ANK3: variants seen among roughly 807,000 people sequenced by gnomAD.
ANK3 encodes ankyrin-3.
In ANK3, 57 loss-of-function variants were observed where a neutral mutation model predicts 370.9. The ratio of observed to expected loss-of-function variants is 0.15; its 90% CI spans 0.12 to 0.19. The LOEUF (loss-of-function observed/expected upper bound fraction) is 0.19, where lower values mean the gene tolerates loss of function less well. Ranked by LOEUF, ANK3 falls within the 10% of genes least tolerant of loss-of-function variation. The pLI is 1.00. For synonymous variants in ANK3, 1,929 were observed against 1,946.3 expected (o/e 0.99, Z 0.23); for missense variants, 4,439 against 5,302.1 (o/e 0.84, Z 5.06).
chr10:60,682,479 T>C (rs951613458), intron 1 of ANK3, among the ~76,000 whole-genome samples: 3 of 152,066 alleles, frequency 2.0e-5, no homozygotes, highest in African/African-American at 4.8e-5. Context: ...CCCATTGCCC[T>C]TGTTACAGTC....
At chr10:60,543,704 A>G (rs1211828688) in intron 2 of ANK3, among the ~76,000 whole-genome samples, 1 of 151,956 alleles carries the variant, frequency 6.6e-6, no homozygotes, top group Non-Finnish European at 1.5e-5. Context: ...AATATTTTTA[A>G]TCTCATAAAA....
At chr10:60,338,025 A>G (rs544266040) in intron 1 of ANK3, among the ~76,000 whole-genome samples, 2 of 152,166 alleles carry the variant, frequency 1.3e-5, no homozygotes, top group Non-Finnish European at 2.9e-5. Flanking sequence ...GTGAACTATG[A>G]GGAAGAAGCT....
intron 23 of ANK3, chr10:60,140,065 T>C: frequency 2.1e-6 from 1 of 475,634 alleles, no homozygotes; most frequent in Non-Finnish European, 3.7e-6. Flanking sequence ...AAGTGATTCA[T>C]TCCCCCAGAT....
In ANK3 at chr10:60,172,995, C is replaced by A. The variant is rs756675211; in HGVS notation, c.2287G>T (p.Gly763Trp). 2.5e-6 allele frequency: 4 copies of A among 1,612,222 alleles called. No homozygotes were observed. ...SAKVNAKTKN[G>W]YTPLHQAAQQ... ...GCTGCTTGATGTAATGGCGTATACC[C>A]ATTCTGTAGAAGGAAGATGGAAGAG... The change falls in exon 20 of 44, where the codon GGG becomes TGG. Residue 763 changes from glycine to tryptophan, a missense_variant. Around this residue, in one of 13 missense-constraint regions of ANK3, gnomAD observed 702 missense variants for 941.5 expected, o/e 0.75. Transcript: ENST00000280772.
chr10:60,580,719 A>G (rs1339567929), intron 2 of ANK3, among the ~76,000 whole-genome samples: 1 of 152,178 alleles, frequency 6.6e-6, no homozygotes, highest in Admixed American at 6.6e-5. Flanking sequence ...TTTTATACTG[A>G]CTTTGACTTA....
intron 38 of ANK3, 52 bp from the exon 39 acceptor site, chr10:60,064,340 C>T (rs377276452): frequency 2.1e-4 from 314 of 1,512,650 alleles, no homozygotes; most frequent in Non-Finnish European, 2.5e-4. Context: ...TTTTATCACA[C>T]GTTTCATAAA....
chr10:60,366,409 C>T (rs2059394783), intron 1 of ANK3, among the ~76,000 whole-genome samples: 1 of 152,122 alleles, frequency 6.6e-6, no homozygotes, highest in African/African-American at 2.4e-5. Flanking sequence ...CTGTTTTTAC[C>T]TTAGTGATAA....
intron 2 of ANK3, among the ~76,000 whole-genome samples, chr10:60,416,846 G>C (rs1226092008): frequency 1.3e-5 from 2 of 152,030 alleles, no homozygotes; most frequent in Non-Finnish European, 2.9e-5. Flanking sequence ...GGTTCCAGGG[G>C]GTCTCATTTG....
chr10:60,551,518 T>C (rs2077087872), intron 2 of ANK3, among the ~76,000 whole-genome samples: 2 of 152,194 alleles, frequency 1.3e-5, no homozygotes, highest in Non-Finnish European at 2.9e-5. Flanking sequence ...AAGTTTCTTA[T>C]TTTAGTGATG....
At chr10:60,338,329 C>A (rs923731664) in intron 1 of ANK3, among the ~76,000 whole-genome samples, 4 of 152,136 alleles carry the variant, frequency 2.6e-5, no homozygotes, top group Non-Finnish European at 5.9e-5. Flanking sequence ...ACCTGGAGGA[C>A]TTGTTTAAAA....
chr10:60,621,764 G>A (rs1300549108), intron 1 of ANK3, among the ~76,000 whole-genome samples: 1 of 152,004 alleles, frequency 6.6e-6, no homozygotes, highest in Non-Finnish European at 1.5e-5. Context: ...ATGAGGCTCT[G>A]TAAAGAACAA....
At chr10:60,502,965 G>A (rs1033042366) in intron 2 of ANK3, among the ~76,000 whole-genome samples, 31 of 151,272 alleles carry the variant, frequency 2.0e-4, no homozygotes, top group Non-Finnish European at 1.5e-4. Flanking sequence ...AAGGAAGGAA[G>A]GGCGGGCAAG....
intron 2 of ANK3, among the ~76,000 whole-genome samples, chr10:60,417,099 C>T (rs570979497): frequency 6.6e-6 from 1 of 152,280 alleles, no homozygotes. Flanking sequence ...GGATAACACT[C>T]AGCAAACAGC....
intron 2 of ANK3, among the ~76,000 whole-genome samples, chr10:60,407,007 C>G (rs1239305364): frequency 6.6e-6 from 1 of 152,138 alleles, no homozygotes. Context: ...AATAGTTGCA[C>G]TATAAATGGA....
chr10:60,572,554 A>G, intron 2 of ANK3: 1 of 1,533,292 alleles, frequency 6.5e-7, no homozygotes, highest in Non-Finnish European at 8.7e-7. Context: ...GTGAGTTTAT[A>G]AAAGACAGAT....
intron 13 of ANK3, among the ~76,000 whole-genome samples, chr10:60,199,486 T>G (rs2096640105): frequency 6.6e-6 from 1 of 152,180 alleles, no homozygotes; most frequent in Non-Finnish European, 1.5e-5. Context: ...CTGCTACTAC[T>G]GCCACCCCTT....
At chr10:60,633,720 A>G (rs2078515121) in intron 1 of ANK3, among the ~76,000 whole-genome samples, 1 of 152,196 alleles carries the variant, frequency 6.6e-6, no homozygotes, top group Non-Finnish European at 1.5e-5. Context: ...CTGGATAACT[A>G]TAGGTGATAT....
At chr10:60,416,792 G>T (rs577369690) in intron 2 of ANK3, among the ~76,000 whole-genome samples, 46 of 152,288 alleles carry the variant, frequency 3.0e-4, no homozygotes, top group African/African-American at 9.9e-4. Context: ...TCACCACTCA[G>T]ACTTTTACTG....
chr10:60,583,519 T>A (rs892982135), intron 2 of ANK3, among the ~76,000 whole-genome samples: 2 of 123,214 alleles, frequency 1.6e-5, no homozygotes, highest in African/African-American at 5.8e-5. Flanking sequence ...TTGTTTTTTG[T>A]TTTTTGTTTT....
Sources: gnomAD v4.1 joint callset for allele counts (sites outside exome capture counted in the v4.1 genomes callset) on GRCh38, gnomAD v4.1.1 for gene constraint, gnomAD v4.1.1 regional missense constraint, MANE v1.5 for transcripts, NCBI Gene and HGNC (gene_info 2026-07-23, HGNC 2026-07-21) for gene names.